The following ATP6V1B2 variants were observed in gnomAD, a reference collection of about 807,000 sequenced individuals.
ATP6V1B2 encodes ATPase H+ transporting V1 subunit B2.
A neutral mutation model predicts 66.7 loss-of-function variants in ATP6V1B2; 23 were observed. That is an observed-to-expected ratio of 0.34 (90% confidence interval 0.25 to 0.49). The LOEUF (loss-of-function observed/expected upper bound fraction) is 0.49. ATP6V1B2 is among the 20% of genes least tolerant of loss of function. The pLI, the probability that ATP6V1B2 is intolerant of heterozygous loss-of-function variation, is 0.99. For missense variants in ATP6V1B2, 478 were observed against 650.8 expected, an observed-to-expected ratio of 0.73 and a Z score of 2.89; for synonymous variants, 278 against 236.7, an observed-to-expected ratio of 1.17 and a Z score of -1.60.
intron 9 of ATP6V1B2, 21 bp downstream of exon 9, chr8:20,212,926 C>A (rs1363824613): frequency 6.2e-7 from 1 of 1,612,532 alleles, no homozygotes; most frequent in South Asian, 1.1e-5. Context: ...CATGTTTTTC[C>A]CTCAGTTAAA....
At chr8:20,197,585 G>A in intron 1 of ATP6V1B2, 43 bp downstream of exon 1, 1 of 1,329,230 alleles carries the variant, frequency 7.5e-7, no homozygotes, top group South Asian at 2.4e-5. Flanking sequence ...TTGCTCCCTA[G>A]CCTAGCCCTT....
At chr8:20,211,399 AG>A in intron 6 of ATP6V1B2, 83 bp downstream of exon 6, 4 of 1,531,392 alleles carry the variant, frequency 2.6e-6, no homozygotes, top group African/African-American at 1.4e-5. Flanking sequence ...AACCGAATAA[AG>A]GGTTTTCAAA....
intron 1 of ATP6V1B2, 148 bp from the exon 2 acceptor site, chr8:20,204,336 T>C: frequency 1.6e-6 from 1 of 635,372 alleles, no homozygotes; most frequent in East Asian, 2.9e-5. Context: ...ATGTAGTTTA[T>C]AAATGCATTG....
chr8:20,199,756 G>A (rs1331347484), intron 1 of ATP6V1B2, among the ~76,000 whole-genome samples: 2 of 151,818 alleles, frequency 1.3e-5, no homozygotes, highest in Non-Finnish European at 2.9e-5. Flanking sequence ...GACTACGGGC[G>A]CACGCCGCCA....
At chr8:20,218,758 G>A (rs2072879755) in intron 13 of ATP6V1B2, among the ~76,000 whole-genome samples, 2 of 151,994 alleles carry the variant, frequency 1.3e-5, no homozygotes, top group African/African-American at 4.8e-5. Flanking sequence ...ACTTTTCACT[G>A]TGCTGTGGGC....
chr8:20,202,979 G>A (rs928199146), intron 1 of ATP6V1B2, among the ~76,000 whole-genome samples: 3 of 152,104 alleles, frequency 2.0e-5, no homozygotes, highest in African/African-American at 4.8e-5. Context: ...AAAAATGCTG[G>A]GAGTCTTTAA....
At chr8:20,203,943 G>T (rs957026198) in intron 1 of ATP6V1B2, 1 of 453,522 alleles carries the variant, frequency 2.2e-6, no homozygotes. Flanking sequence ...TTTAATTGTG[G>T]CTTTTTACCT....
chr8:20,201,198 A>G lies in ATP6V1B2; in HGVS notation c.137-3286A>G, dbSNP rs530137494. On this transcript the variant is annotated intron_variant, in intron 1 of 13. Transcript: ENST00000276390. ...ATAAGCATATATCTTCTGTGTTGTC[A>G]GAAGTTCTGATTATCCCCCATTCAC... is the stretch of plus-strand genomic sequence containing the variant. 7.2e-5 allele frequency among the ~76,000 whole-genome samples: 11 copies of G among 152,342 alleles called. No homozygotes were observed. In the South Asian group the frequency reaches 2.3e-3, roughly 32 times the overall value.
chr8:20,200,871 A>G (rs543522040), intron 1 of ATP6V1B2, among the ~76,000 whole-genome samples: 7 of 152,298 alleles, frequency 4.6e-5, no homozygotes, highest in African/African-American at 1.7e-4. Flanking sequence ...TGTACAAGGG[A>G]AGATGATTGC....
At chr8:20,216,160 A>C in intron 10 of ATP6V1B2, 1 of 293,326 alleles carries the variant, frequency 3.4e-6, no homozygotes, top group Non-Finnish European at 6.4e-6. Flanking sequence ...GAAATAATTG[A>C]AATTAAGTTT....
In ATP6V1B2 at chr8:20,198,514, A is replaced by G. The variant is rs552535622; in HGVS notation, c.136+972A>G. On this transcript the variant is annotated intron_variant, in intron 1 of 13. Coordinates refer to ENST00000276390, the MANE Select transcript of ATP6V1B2 (RefSeq NM_001693.4). ...AGAGAATGCAGTTGTGTAGCATCCAACTTCTTCACAGCTTTCTTCGGAACT... is the reference window on the plus strand; with the variant it reads ...AGAGAATGCAGTTGTGTAGCATCCAGCTTCTTCACAGCTTTCTTCGGAACT... Among the ~76,000 whole-genome samples, 5 of 152,336 alleles carry G rather than the reference A, an allele frequency of 3.3e-5. No homozygotes were observed. The South Asian group carries it at 6.2e-4, about 19-fold the overall frequency.
chr8:20,201,009 A>G (rs909180825), intron 1 of ATP6V1B2, among the ~76,000 whole-genome samples: 10 of 152,222 alleles, frequency 6.6e-5, no homozygotes, highest in African/African-American at 1.9e-4. Flanking sequence ...GCAATATCCT[A>G]TCCTGCAGGA....
chr8:20,210,498 A>C (rs1396805007), intron 4 of ATP6V1B2, 59 bp downstream of exon 4: 11 of 1,606,474 alleles, frequency 6.8e-6, no homozygotes, highest in Non-Finnish European at 8.5e-6. Context: ...ATATTTCCAT[A>C]ATGTCTTTTA....
chr8:20,212,622 C>A (rs149205532), intron 8 of ATP6V1B2, among the ~76,000 whole-genome samples, 160 bp from the exon 9 acceptor site: 210 of 152,244 alleles, frequency 1.4e-3, no homozygotes, highest in African/African-American at 4.9e-3. Flanking sequence ...ACTGTTAATA[C>A]CTTACTTAAG....
At chr8:20,204,626 A>AT in intron 2 of ATP6V1B2, 87 bp downstream of exon 2, 1 of 1,198,778 alleles carries the variant, frequency 8.3e-7, no homozygotes, top group African/African-American at 1.5e-5. Context: ...TTTTGTTATG[A>AT]TTTTTAAGCC....
chr8:20,210,741 T>TTAAAGTAGA, intron 5 of ATP6V1B2, 95 bp downstream of exon 5: 1 of 959,768 alleles, frequency 1.0e-6, no homozygotes, highest in Non-Finnish European at 1.6e-6. Context: ...GTGATATCAC[T>TTAAAGTAGA]TAAAGTAGAT....
intron 8 of ATP6V1B2, 26 bp downstream of exon 8, chr8:20,212,225 G>C: frequency 6.2e-7 from 1 of 1,602,996 alleles, no homozygotes; most frequent in Admixed American, 1.7e-5. Flanking sequence ...ATTTCTTTCT[G>C]TGGCCCAGAC....
chr8:20,209,089 C>A (rs1009831496), intron 2 of ATP6V1B2, among the ~76,000 whole-genome samples: 1 of 152,112 alleles, frequency 6.6e-6, no homozygotes, highest in African/African-American at 2.4e-5. Flanking sequence ...AGAAAGCAAT[C>A]ATCATTTCTA....
At chr8:20,212,550 T>A (rs2072805883) in intron 8 of ATP6V1B2, among the ~76,000 whole-genome samples, 1 of 152,212 alleles carries the variant, frequency 6.6e-6, no homozygotes, top group Admixed American at 6.5e-5. Flanking sequence ...CCTTCCTACC[T>A]GCCTGCCCCA....
Sources: gnomAD v4.1 joint callset for allele counts (sites outside exome capture counted in the v4.1 genomes callset) on GRCh38, gnomAD v4.1.1 for gene constraint, MANE v1.5 for transcripts, NCBI Gene and HGNC (gene_info 2026-07-23, HGNC 2026-07-21) for gene names.